Variants in LUZP1 observed in about 807,000 individuals in gnomAD.
LUZP1 encodes the protein leucine zipper protein 1.
A neutral mutation model predicts 71.3 loss-of-function variants in LUZP1; 25 were observed. That is an observed-to-expected ratio of 0.35 (90% CI 0.26 to 0.49). The LOEUF is 0.49. Ranked by LOEUF, LUZP1 falls within the 20% of genes least tolerant of loss-of-function variation. The pLI, the probability that LUZP1 is intolerant of heterozygous loss-of-function variation, is 0.99. For synonymous variants in LUZP1, 481 were observed against 506.4 expected (o/e 0.95, Z 0.67); for missense variants, 1,142 against 1,300.8 (o/e 0.88, Z 1.88).
At chr1:23,167,254 A>G (rs540774673) in intron 2 of LUZP1, among the ~76,000 whole-genome samples, 1 of 152,128 alleles carries the variant, frequency 6.6e-6, no homozygotes, top group African/African-American at 2.4e-5. Flanking sequence ...GAGGTAGTCA[A>G]ATCTTATTAG....
At chr1:23,091,036 A>C (rs890440618) in intron 4 of LUZP1, 154 bp downstream of exon 3, 5 of 837,092 alleles carry the variant, frequency 6.0e-6, no homozygotes, top group Non-Finnish European at 8.0e-6. Flanking sequence ...GAAAGGTCAA[A>C]CCCCCCTGAT....
intron 3 of LUZP1, among the ~76,000 whole-genome samples, chr1:23,107,090 T>C (rs368142051): frequency 1.3e-5 from 2 of 152,214 alleles, no homozygotes; most frequent in Admixed American, 6.5e-5. Context: ...AGAGATTTTA[T>C]ACCTGCTGTT....
chr1:23,093,837 T>C lies in LUZP1; in HGVS notation c.425A>G (p.Asn142Ser). The change falls in exon 4 of 5, where the codon AAT (asparagine) becomes AGT (serine). Residue 142 changes from asparagine to serine, a missense_variant. Asn to Ser is a conservative substitution (Grantham distance 46). Coordinates refer to ENST00000302291, the Ensembl canonical transcript of LUZP1. The surrounding 1 kb of genome is among the most constrained non-coding windows in gnomAD (Gnocchi z 4.2). Reference sequence around the variant, plus strand: ...TTTCTTGGTCAGATTTCTCTCCTCATTCAGGCTCAGACACAGCTGGGTACA... The same window carrying C: ...TTTCTTGGTCAGATTTCTCTCCTCACTCAGGCTCAGACACAGCTGGGTACA... 1 of 1,614,096 alleles carries C rather than the reference T, an allele frequency of 6.2e-7. No individual in the cohort carries two copies. The highest frequency in any genetic ancestry group is 8.5e-7 in the Non-Finnish European group (1 of 1,180,016).
intron 2 of LUZP1, among the ~76,000 whole-genome samples, chr1:23,158,405 C>T (rs1260165923): frequency 6.6e-5 from 10 of 152,096 alleles, no homozygotes; most frequent in Admixed American, 3.3e-4. Context: ...AATCCCAGCA[C>T]TTTGGAAGGC....
chr1:23,142,595 C>T lies in LUZP1; in HGVS notation c.-226+26171G>A, dbSNP rs1254528812. 2.0e-5 allele frequency among the ~76,000 whole-genome samples: 3 copies of T among 151,866 alleles called. No individual in the cohort carries two copies. In the East Asian group the frequency reaches 5.8e-4, roughly 29 times the overall value. ...AGGGTATGATGGGGCCAGAATTACA[C>T]ATTACAGCTTGCGAGAACAGAGCCC... On this transcript the variant is annotated intron_variant, in intron 2 of 4. Transcript: ENST00000302291.
At chr1:23,119,251 C>CTTTTTTTTTT (rs35522356) in intron 2 of LUZP1, among the ~76,000 whole-genome samples, 6 of 69,996 alleles carry the variant, frequency 8.6e-5, no homozygotes, top group African/African-American at 1.8e-4. Context: ...GTGACTAGCT[C>CTTTTTTTTTT]TTTTTTTTTT....
At chr1:23,096,759 G>T (rs1410284030) in intron 3 of LUZP1, among the ~76,000 whole-genome samples, 1 of 152,070 alleles carries the variant, frequency 6.6e-6, no homozygotes, top group Non-Finnish European at 1.5e-5. Flanking sequence ...GATCACTTGA[G>T]GTCAGGAGTT....
chr1:23,151,979 G>T (rs1326276526), intron 2 of LUZP1, among the ~76,000 whole-genome samples: 1 of 145,914 alleles, frequency 6.9e-6, no homozygotes, highest in Non-Finnish European at 1.5e-5. Flanking sequence ...TCCAACCTGG[G>T]CAAAAAAGCA....
chr1:23,115,597 G>A (rs1427920257), intron 2 of LUZP1, among the ~76,000 whole-genome samples: 2 of 152,172 alleles, frequency 1.3e-5, no homozygotes, highest in Non-Finnish European at 2.9e-5. Flanking sequence ...CTGGAGTGCA[G>A]TGGCACGATC....
At chr1:23,100,942 C>A (rs1425052490) in intron 3 of LUZP1, among the ~76,000 whole-genome samples, 1 of 152,194 alleles carries the variant, frequency 6.6e-6, no homozygotes, top group Non-Finnish European at 1.5e-5. Context: ...TAGCAAAAGT[C>A]AAGGACTTCA....
intron 3 of LUZP1, among the ~76,000 whole-genome samples, chr1:23,100,110 A>G (rs1322863521): frequency 6.6e-6 from 1 of 152,084 alleles, no homozygotes; most frequent in African/African-American, 2.4e-5. Context: ...ATCACACTCT[A>G]TTGCAGCTTT....
At chr1:23,127,803 G>A (rs1404817435) in intron 2 of LUZP1, among the ~76,000 whole-genome samples, 4 of 152,130 alleles carry the variant, frequency 2.6e-5, no homozygotes, top group Non-Finnish European at 5.9e-5. Flanking sequence ...AATTACAGGC[G>A]TGAGCCACCG....
At position 23,173,184 on chromosome 1, in the gene LUZP1, G is replaced by A. The variant is rs574414903; in HGVS notation, c.-484-4160C>T. Among the ~76,000 whole-genome samples the A allele has an allele frequency of 9.2e-5, 14 of 151,802 alleles. No individual in the cohort carries two copies. The South Asian group carries it at 2.9e-3, about 32-fold the overall frequency. Reference sequence around the variant, plus strand: ...AGGAGGGAGGATTGCTTGAGCCCAGGAGTTGGAGGCTACAGTGAGCTATGA... The same window carrying A: ...AGGAGGGAGGATTGCTTGAGCCCAGAAGTTGGAGGCTACAGTGAGCTATGA... On this transcript the variant is annotated intron_variant, in intron 1 of 4. Transcript: ENST00000302291.
chr1:23,084,486 A>G lies in LUZP1; in HGVS notation c.*4409T>C, dbSNP rs80026050. On this transcript the variant is annotated 3_prime_UTR_variant, in exon 5 of 5. Coordinates refer to ENST00000302291, the Ensembl canonical transcript of LUZP1. ...TTAAGGCCCACCTGGATCATCTAGG[A>G]TGTTCTGCCTCATCCCAGCATCCTT... 9.8e-3 allele frequency: 1,493 copies of G among 152,220 alleles called. 16 individuals carry two copies. The highest frequency in any genetic ancestry group is 0.013 in the Non-Finnish European group (871 of 68,004). 9.4% of individuals were successfully genotyped at this position (152,220 alleles called of 1,614,324 possible). A position where few individuals can be genotyped will look rare whatever the true frequency, so the allele number is the denominator to read the frequency against.
At chr1:23,175,397 G>T (rs1480934299) in intron 1 of LUZP1, among the ~76,000 whole-genome samples, 2 of 152,128 alleles carry the variant, frequency 1.3e-5, no homozygotes, top group African/African-American at 4.8e-5. Context: ...TAATACAAAG[G>T]AAAGGCATCT....
chr1:23,128,855 G>A (rs1644192692), intron 2 of LUZP1, among the ~76,000 whole-genome samples: 1 of 152,204 alleles, frequency 6.6e-6, no homozygotes, highest in Non-Finnish European at 1.5e-5. Flanking sequence ...AACATTAGAT[G>A]TCAGATCTGT....
At chr1:23,091,541 A>T in exon 4 of LUZP1, 1 of 1,614,124 alleles carries the variant, frequency 6.2e-7, no homozygotes, top group Admixed American at 1.7e-5. Flanking sequence ...CCACTTCTGA[A>T]GGGGCACTAT....
At chr1:23,162,368 A>T (rs867438041) in intron 2 of LUZP1, among the ~76,000 whole-genome samples, 15 of 151,984 alleles carry the variant, frequency 9.9e-5, no homozygotes, top group Middle Eastern at 3.4e-3. Flanking sequence ...ATCAAATTCC[A>T]CTTTTACATG....
chr1:23,092,041 G>C, exon 4 of LUZP1: 10 of 1,614,026 alleles, frequency 6.2e-6, no homozygotes, highest in Non-Finnish European at 7.6e-6. Flanking sequence ...AAGGGCCTTT[G>C]GCTTTTTACC....
Sources: allele counts gnomAD v4.1 joint callset (sites outside exome capture counted in the v4.1 genomes callset), GRCh38; gene constraint gnomAD v4.1.1; non-coding constraint Gnocchi (gnomAD v3.1); transcripts MANE v1.5; gene names NCBI Gene and HGNC (gene_info 2026-07-23, HGNC 2026-07-21).